The following KCNH1 variants were observed in gnomAD, a reference collection of about 807,000 sequenced individuals.
KCNH1 encodes potassium voltage-gated channel subfamily H member 1, also known as voltage-gated delayed rectifier potassium channel KCNH1.
KCNH1 carries 27 observed loss-of-function variants against 69.2 expected under a neutral mutation model. That is an observed-to-expected ratio of 0.39 (90% CI 0.29 to 0.54). KCNH1 has a LOEUF of 0.54. Ranked by LOEUF, KCNH1 falls within the 20% of genes least tolerant of loss-of-function variation. The probability of loss-of-function intolerance (pLI) is 0.68; values close to 1 mark genes in which losing one functional copy is unlikely to be tolerated. For synonymous variants in KCNH1, 456 were observed against 487.7 expected, an observed-to-expected ratio of 0.93 and a Z score of 0.86; for missense variants, 798 against 1,261.6, an observed-to-expected ratio of 0.63 and a Z score of 5.57.
intron 7 of KCNH1, among the ~76,000 whole-genome samples, chr1:210,853,794 C>G (rs1481940674): frequency 6.6e-6 from 1 of 152,082 alleles, no homozygotes; most frequent in Non-Finnish European, 1.5e-5. Flanking sequence ...ATTCTGCCGA[C>G]AGACCCAAAC....
At chr1:210,851,039 T>C (rs1243132654) in intron 7 of KCNH1, among the ~76,000 whole-genome samples, 1 of 152,218 alleles carries the variant, frequency 6.6e-6, no homozygotes, top group Non-Finnish European at 1.5e-5. Flanking sequence ...TCAATATTTG[T>C]CTTCATGGCC....
chr1:210,913,750 T>TC lies in KCNH1; in HGVS notation c.1462+5889dup, dbSNP rs954294109. 7.1e-4 allele frequency among the ~76,000 whole-genome samples: 108 copies of TC among 152,130 alleles called. 9 individuals carry two copies. Among genetic ancestry groups the TC allele is most frequent in the African/African-American group, 4.8e-5 (2 of 41,440 alleles). On this transcript the variant is annotated intron_variant, in intron 7 of 10. Coordinates refer to ENST00000271751, the MANE Select transcript of KCNH1 (RefSeq NM_172362.3). ...AAGTTGAGGCTGACACTACTGGTCA[T>TC]CCCCCCATATCAGTTTTCCTTGCAT...
At chr1:211,049,790 T>C (rs1159002662) in intron 5 of KCNH1, among the ~76,000 whole-genome samples, 1 of 152,038 alleles carries the variant, frequency 6.6e-6, no homozygotes, top group Non-Finnish European at 1.5e-5. Flanking sequence ...AACTCCAAGT[T>C]TTCCTGAGAG....
rs1211463108 is a variant in KCNH1 at position 210,682,142 on chromosome 1, C to G, written c.*1139G>C. The stretch of plus-strand genomic sequence containing the variant: ...GAGAGTACAATCATGATCCTGCAGT[C>G]TTTTTCCATTTTCTCTTGAAATCCT... On this transcript the variant is annotated 3_prime_UTR_variant, in exon 11 of 11. Coordinates refer to ENST00000271751, the MANE Select transcript of KCNH1 (RefSeq NM_172362.3). 2.0e-5 allele frequency: 3 copies of G among 152,176 alleles called. No individual in the cohort carries two copies. Among genetic ancestry groups the G allele is most frequent in the Non-Finnish European group, 4.4e-5 (3 of 68,034 alleles). 9.4% of individuals were successfully genotyped at this position (152,176 alleles called of 1,614,324 possible).
chr1:211,017,462 A>C (rs1689513223), intron 6 of KCNH1, among the ~76,000 whole-genome samples: 1 of 152,168 alleles, frequency 6.6e-6, no homozygotes, highest in Non-Finnish European at 1.5e-5. Context: ...AGCTAGACTG[A>C]GACCTTGGGA....
At chr1:210,924,410 T>C (rs1036720800) in intron 6 of KCNH1, among the ~76,000 whole-genome samples, 2 of 152,212 alleles carry the variant, frequency 1.3e-5, no homozygotes, top group Non-Finnish European at 2.9e-5. Context: ...ACAAGCATTT[T>C]TTCATTGTGT....
intron 3 of KCNH1, among the ~76,000 whole-genome samples, chr1:211,098,124 C>G (rs1691190827): frequency 6.6e-6 from 1 of 151,778 alleles, no homozygotes; most frequent in Non-Finnish European, 1.5e-5. Context: ...TGAAGACCAG[C>G]CTGGCCAACA....
intron 6 of KCNH1, among the ~76,000 whole-genome samples, chr1:210,941,628 T>C (rs1190829879): frequency 1.3e-5 from 2 of 152,190 alleles, no homozygotes; most frequent in South Asian, 2.1e-4. Context: ...AAAAAGAGCT[T>C]GGCAAGTCAC....
intron 7 of KCNH1, among the ~76,000 whole-genome samples, chr1:210,869,437 C>T (rs1487557827): frequency 6.6e-6 from 1 of 150,472 alleles, no homozygotes; most frequent in East Asian, 2.0e-4. Flanking sequence ...TTTTCTCTGT[C>T]ATTTTAGGTC....
intron 10 of KCNH1, among the ~76,000 whole-genome samples, chr1:210,744,069 C>T (rs1683094925): frequency 6.6e-6 from 1 of 152,154 alleles, no homozygotes; most frequent in South Asian, 2.1e-4. Context: ...CCTGCCTGTG[C>T]CTTTCTATGG....
Position 210,800,759 on chromosome 1 carries a change from C to A in KCNH1, c.1663-2999G>T, listed in dbSNP as rs563838013. 6.0e-4 allele frequency among the ~76,000 whole-genome samples: 92 copies of A among 152,158 alleles called. 1 individual carries two copies. In the South Asian group the frequency reaches 0.019, roughly 31 times the overall value. On this transcript the variant is annotated intron_variant, in intron 8 of 10. Transcript: ENST00000271751. ...CCTACTGCTAGGTTTTGAGAAGAGA[C>A]CATCCTTGCTCTTCCTTGAAGGTCT...
At chr1:211,101,293 C>A (rs1434979086) in intron 3 of KCNH1, among the ~76,000 whole-genome samples, 2 of 149,122 alleles carry the variant, frequency 1.3e-5, no homozygotes, top group Non-Finnish European at 3.0e-5. Context: ...CAATAAAAAG[C>A]TATTGGAAAG....
intron 10 of KCNH1, among the ~76,000 whole-genome samples, chr1:210,714,978 G>A (rs763481473): frequency 1.3e-4 from 20 of 152,134 alleles, no homozygotes; most frequent in Non-Finnish European, 2.4e-4. Flanking sequence ...ATGTCTGACC[G>A]GCACAGACTA....
intron 6 of KCNH1, among the ~76,000 whole-genome samples, chr1:210,983,869 G>A (rs1571550751): frequency 2.0e-5 from 3 of 152,140 alleles, no homozygotes; most frequent in South Asian, 4.1e-4. Context: ...GGGCAGTATG[G>A]CCATTTTCGT....
At chr1:211,036,428 A>G (rs1239802257) in intron 5 of KCNH1, among the ~76,000 whole-genome samples, 1 of 152,226 alleles carries the variant, frequency 6.6e-6, no homozygotes, top group African/African-American at 2.4e-5. Context: ...AAAAGAAACC[A>G]AAAACATAAG....
chr1:210,961,372 C>T lies in KCNH1; in HGVS notation c.1033-41303G>A, dbSNP rs182462487. On this transcript the variant is annotated intron_variant, in intron 6 of 10. Coordinates refer to ENST00000271751, the MANE Select transcript of KCNH1 (RefSeq NM_172362.3). ...CATTGGGACAGTTTATGCTTAAATG[C>T]CCTCAAGATTACTAATTTTTTCTTC... is the stretch of plus-strand genomic sequence containing the variant. 1.4e-4 allele frequency among the ~76,000 whole-genome samples: 21 copies of T among 152,006 alleles called. No individual in the cohort carries two copies. The East Asian group carries it at 3.1e-3, about 22-fold the overall frequency.
intron 10 of KCNH1, among the ~76,000 whole-genome samples, chr1:210,759,850 C>A (rs895444875): frequency 3.3e-5 from 5 of 152,120 alleles, no homozygotes; most frequent in Non-Finnish European, 5.9e-5. Flanking sequence ...AGATACTATA[C>A]AACAGGGGCT....
chr1:211,066,099 G>A (rs193023390), intron 5 of KCNH1, among the ~76,000 whole-genome samples: 141 of 152,098 alleles, frequency 9.3e-4, no homozygotes, highest in African/African-American at 3.4e-3. Flanking sequence ...GTACACAAAT[G>A]CTTATAACGA....
At chr1:211,111,458 C>T (rs1277228126) in intron 1 of KCNH1, among the ~76,000 whole-genome samples, 5 of 151,304 alleles carry the variant, frequency 3.3e-5, no homozygotes, top group Non-Finnish European at 7.4e-5. Context: ...GTGAGGAGCC[C>T]CTCTGCCCGG....
Sources: gnomAD v4.1 joint callset for allele counts (sites outside exome capture counted in the v4.1 genomes callset) on GRCh38, gnomAD v4.1.1 for gene constraint, MANE v1.5 for transcripts, NCBI Gene and HGNC (gene_info 2026-07-23, HGNC 2026-07-21) for gene names.